The following GRM8 variants were observed in gnomAD, a reference collection of about 807,000 sequenced individuals.
GRM8 encodes metabotropic glutamate receptor 8.
Under a neutral mutation model 87.2 loss-of-function variants are expected in GRM8, and 47 were observed. The ratio of observed to expected loss-of-function variants is 0.54; its 90% CI spans 0.43 to 0.69. GRM8 has a LOEUF of 0.69. GRM8 is among the 30% of genes least tolerant of loss of function. The pLI is 0.00. For missense variants in GRM8, 1,019 were observed against 1,139.2 expected (o/e 0.89, Z 1.52); for synonymous variants, 396 against 404.5 (o/e 0.98, Z 0.25).
chr7:126,632,216 G>A (rs563558980), intron 7 of GRM8, among the ~76,000 whole-genome samples: 2 of 152,212 alleles, frequency 1.3e-5, no homozygotes, highest in South Asian at 4.1e-4. Flanking sequence ...TAATAAGTGG[G>A]CAAAGAATAG....
At chr7:126,903,665 AT>A (rs1802354389) in intron 5 of GRM8, among the ~76,000 whole-genome samples, 1 of 129,126 alleles carries the variant, frequency 7.7e-6, no homozygotes, top group African/African-American at 2.8e-5. Context: ...GTATATATAT[AT>A]GTATATGTGT....
intron 2 of GRM8, among the ~76,000 whole-genome samples, chr7:127,169,004 A>G (rs1401226253): frequency 1.3e-5 from 2 of 151,932 alleles, no homozygotes; most frequent in African/African-American, 4.8e-5. Flanking sequence ...AAACTATAAA[A>G]AAAAAAAAAA....
intron 7 of GRM8, among the ~76,000 whole-genome samples, chr7:126,658,683 G>T (rs1169589478): frequency 6.6e-6 from 1 of 151,548 alleles, no homozygotes; most frequent in Non-Finnish European, 1.5e-5. Context: ...AGGGAACCAG[G>T]GATGATGTAT....
At chr7:126,828,285 T>C (rs1795016977) in intron 6 of GRM8, among the ~76,000 whole-genome samples, 1 of 152,202 alleles carries the variant, frequency 6.6e-6, no homozygotes, top group Non-Finnish European at 1.5e-5. Flanking sequence ...TCAGAAAGAA[T>C]GGTACCAGTT....
At chr7:126,642,644 A>AT (rs1465056750) in intron 7 of GRM8, among the ~76,000 whole-genome samples, 18 of 151,950 alleles carry the variant, frequency 1.2e-4, no homozygotes, top group Admixed American at 5.2e-4. Flanking sequence ...CATCTAAAAA[A>AT]AATAATAATA....
chr7:126,620,068 T>A (rs1312695590), intron 7 of GRM8, among the ~76,000 whole-genome samples: 1 of 152,112 alleles, frequency 6.6e-6, no homozygotes, highest in Non-Finnish European at 1.5e-5. Flanking sequence ...GGTAGGAGGA[T>A]CTCTTCAGGC....
chr7:126,545,392 CAG>C (rs1372737849), intron 8 of GRM8, among the ~76,000 whole-genome samples: 10 of 151,966 alleles, frequency 6.6e-5, no homozygotes, highest in Non-Finnish European at 7.4e-5. Flanking sequence ...TTGGATATCA[CAG>C]AGTGACCATT....
rs542107066 is a variant in GRM8, at chr7:126,460,777, G to A, written c.2431-14405C>T. On this transcript the variant is annotated intron_variant, in intron 9 of 10. Coordinates refer to ENST00000339582, the MANE Select transcript of GRM8 (RefSeq NM_000845.3). ...ACAATTTTCAATGAGAAACTAGCCC[G>A]AAGTCCCTCCCACAACAGTTTGAGA... Among the ~76,000 whole-genome samples, 3 of 151,602 alleles carry A rather than the reference G, an allele frequency of 2.0e-5. No homozygotes were observed. In the South Asian group the frequency reaches 6.2e-4, roughly 31 times the overall value.
At chr7:126,551,924 C>A (rs1792630936) in intron 8 of GRM8, among the ~76,000 whole-genome samples, 1 of 151,808 alleles carries the variant, frequency 6.6e-6, no homozygotes, top group Non-Finnish European at 1.5e-5. Context: ...ACATTAGTAA[C>A]CTGACTTTAT....
At chr7:127,111,796 G>A (rs1404094012) in intron 2 of GRM8, among the ~76,000 whole-genome samples, 2 of 152,284 alleles carry the variant, frequency 1.3e-5, no homozygotes, top group East Asian at 3.9e-4. Context: ...GGAGGCTGAG[G>A]TGGGCAGATC....
At chr7:126,495,242 T>C (rs752454973) in intron 9 of GRM8, among the ~76,000 whole-genome samples, 1 of 151,892 alleles carries the variant, frequency 6.6e-6, no homozygotes, top group Non-Finnish European at 1.5e-5. Context: ...AATGGAAAAT[T>C]TTAGAAGAGA....
intron 2 of GRM8, among the ~76,000 whole-genome samples, chr7:127,180,585 T>G (rs555765082): frequency 2.0e-5 from 3 of 152,230 alleles, no homozygotes; most frequent in Admixed American, 6.5e-5. Context: ...AGAACATTGA[T>G]GCTAAAATCC....
chr7:127,248,881 G>T (rs758188431), intron 1 of GRM8, among the ~76,000 whole-genome samples: 4 of 152,174 alleles, frequency 2.6e-5, no homozygotes, highest in African/African-American at 4.8e-5. Flanking sequence ...AGGAAAACTG[G>T]AAAGGACGCA....
intron 8 of GRM8, among the ~76,000 whole-genome samples, chr7:126,594,058 CATG>C (rs1226621182): frequency 2.6e-5 from 4 of 151,918 alleles, no homozygotes; most frequent in Non-Finnish European, 5.9e-5. Flanking sequence ...TCACTTCACA[CATG>C]ATAGGATGGC....
At chr7:127,189,737 C>T (rs1369507832) in intron 2 of GRM8, among the ~76,000 whole-genome samples, 1 of 152,086 alleles carries the variant, frequency 6.6e-6, no homozygotes, top group Non-Finnish European at 1.5e-5. Context: ...ACAACTGAGC[C>T]TTACAGGGTT....
At chr7:126,798,545 C>A (rs935226500) in intron 6 of GRM8, among the ~76,000 whole-genome samples, 1 of 152,124 alleles carries the variant, frequency 6.6e-6, no homozygotes, top group African/African-American at 2.4e-5. Context: ...CCAGTGAGAG[C>A]ATCCTGTGCA....
chr7:126,757,341 T>C (rs1585805868), intron 7 of GRM8, among the ~76,000 whole-genome samples: 1 of 151,986 alleles, frequency 6.6e-6, no homozygotes, highest in African/African-American at 2.4e-5. Context: ...AGCTGAGGAT[T>C]TGGGGGTTTG....
intron 6 of GRM8, among the ~76,000 whole-genome samples, chr7:126,827,611 T>G (rs568771500): frequency 3.9e-4 from 60 of 152,320 alleles, no homozygotes; most frequent in African/African-American, 1.4e-3. Context: ...AAGGAGATTT[T>G]GGGCTGAGAC....
At chr7:126,749,069 T>C (rs1172030841) in intron 7 of GRM8, among the ~76,000 whole-genome samples, 2 of 151,940 alleles carry the variant, frequency 1.3e-5, no homozygotes, top group East Asian at 3.9e-4. Context: ...AGGTCAGGAG[T>C]TCGAGACCAG....
Sources: allele counts gnomAD v4.1 joint callset (sites outside exome capture counted in the v4.1 genomes callset), GRCh38; gene constraint gnomAD v4.1.1; transcripts MANE v1.5; gene names NCBI Gene and HGNC (gene_info 2026-07-23, HGNC 2026-07-21).